The following SNX29 variants were observed in gnomAD, a reference collection of about 807,000 sequenced individuals.
The protein encoded by SNX29 is sorting nexin-29.
A neutral mutation model predicts 102.1 loss-of-function variants in SNX29; 78 were observed. That is an observed-to-expected ratio of 0.76 (90% CI 0.64 to 0.92). The LOEUF is 0.92. Ranked by LOEUF, SNX29 falls within the 40% of genes least tolerant of loss-of-function variation. The pLI is 0.00. For missense variants in SNX29, 1,280 were observed against 1,061.7 expected, an observed-to-expected ratio of 1.21 and a Z score of -2.86; for synonymous variants, 580 against 414.5, an observed-to-expected ratio of 1.40 and a Z score of -4.85.
rs1017099981 is a variant in SNX29 at position 12,572,609 on chromosome 16, C to G, written c.*3980C>G. 3 of 1,063,992 alleles carry G rather than the reference C, an allele frequency of 2.8e-6. No individual in the cohort carries two copies. In the African/African-American group the frequency reaches 4.9e-5, roughly 17 times the overall value. 65.9% of individuals were successfully genotyped at this position (1,063,992 alleles called of 1,614,324 possible). On this transcript the variant is annotated 3_prime_UTR_variant, in exon 21 of 21. Transcript: ENST00000566228. ...GGGCTCCCAGTGAGCCCCCTCCCCT[C>G]CGGCTACCCCCAGAATCCATCCTTC...
intron 20 of SNX29, among the ~76,000 whole-genome samples, chr16:12,540,691 G>C (rs1239711031): frequency 6.6e-6 from 1 of 152,114 alleles, no homozygotes; most frequent in Non-Finnish European, 1.5e-5. Flanking sequence ...TCTTGTTGTA[G>C]AAGCTCACAT....
Position 12,414,517 on chromosome 16 carries a change from A to G in SNX29, c.2037+10988A>G, listed in dbSNP as rs147402878. The stretch of plus-strand genomic sequence containing the variant: ...CCACGGTTACAGAAACAAAAACATG[A>G]AGAAGAGGAACTTGCTAAGCTACTG... On this transcript the variant is annotated intron_variant, in intron 18 of 20. Coordinates refer to ENST00000566228, the MANE Select transcript of SNX29 (RefSeq NM_032167.5). Among the ~76,000 whole-genome samples the G allele has an allele frequency of 1.3e-3, 195 of 152,238 alleles. 1 individual carries two copies. Among genetic ancestry groups the G allele is most frequent in the South Asian group, 3.5e-3 (17 of 4,824 alleles).
At chr16:12,352,206 G>T (rs1326610115) in intron 15 of SNX29, among the ~76,000 whole-genome samples, 2 of 152,216 alleles carry the variant, frequency 1.3e-5, no homozygotes, top group Non-Finnish European at 2.9e-5. Context: ...ATGAGTTCAT[G>T]TCCTTTGTAC....
At chr16:12,419,747 C>A (rs903019782) in intron 18 of SNX29, among the ~76,000 whole-genome samples, 1 of 152,178 alleles carries the variant, frequency 6.6e-6, no homozygotes, top group Non-Finnish European at 1.5e-5. Flanking sequence ...AAGTGACTGT[C>A]TTTGACTCTC....
chr16:12,398,628 C>A (rs963961889), intron 17 of SNX29, 127 bp downstream of exon 17: 10 of 1,059,424 alleles, frequency 9.4e-6, no homozygotes, highest in Non-Finnish European at 1.4e-5. Context: ...TGATGTGGTT[C>A]TTGTAGAGCT....
chr16:12,266,203 G>A (rs2078923185), intron 14 of SNX29, among the ~76,000 whole-genome samples: 1 of 152,002 alleles, frequency 6.6e-6, no homozygotes, highest in South Asian at 2.1e-4. Flanking sequence ...GGGGTTGCAG[G>A]TGTGAGCTGC....
At chr16:12,028,315 G>A (rs2057248209) in intron 4 of SNX29, among the ~76,000 whole-genome samples, 1 of 152,080 alleles carries the variant, frequency 6.6e-6, no homozygotes, top group African/African-American at 2.4e-5. Flanking sequence ...TCATGTTGCT[G>A]TATCATCCTT....
At chr16:12,138,365 G>T (rs1191523950) in intron 13 of SNX29, among the ~76,000 whole-genome samples, 1 of 151,916 alleles carries the variant, frequency 6.6e-6, no homozygotes, top group African/African-American at 2.4e-5. Flanking sequence ...GTGCCACCAT[G>T]CCCAGCTCAT....
intron 18 of SNX29, among the ~76,000 whole-genome samples, chr16:12,438,907 C>T (rs1567563463): frequency 6.6e-6 from 1 of 152,042 alleles, no homozygotes; most frequent in Non-Finnish European, 1.5e-5. Flanking sequence ...TACCTGGCTG[C>T]AGAGAGGGAA....
chr16:12,506,176 G>T (rs2151906357), intron 19 of SNX29, among the ~76,000 whole-genome samples: 1 of 152,302 alleles, frequency 6.6e-6, no homozygotes, highest in South Asian at 2.1e-4. Context: ...GACCAGGCTG[G>T]TCTTGAACTC....
At chr16:12,552,457 G>A (rs558814019) in intron 20 of SNX29, among the ~76,000 whole-genome samples, 1 of 152,274 alleles carries the variant, frequency 6.6e-6, no homozygotes, top group South Asian at 2.1e-4. Flanking sequence ...AATACCTCGG[G>A]TCCATCTCAT....
chr16:12,561,462 C>T (rs1320301792), intron 20 of SNX29, among the ~76,000 whole-genome samples: 2 of 152,252 alleles, frequency 1.3e-5, no homozygotes, highest in East Asian at 1.9e-4. Flanking sequence ...AAGGCAGCTC[C>T]TAGTAAGTGG....
At chr16:12,281,957 G>C (rs973851692) in intron 15 of SNX29, among the ~76,000 whole-genome samples, 2 of 151,802 alleles carry the variant, frequency 1.3e-5, no homozygotes, top group African/African-American at 2.4e-5. Flanking sequence ...GGTGGCATAT[G>C]TCTATAGTCC....
intron 18 of SNX29, among the ~76,000 whole-genome samples, chr16:12,445,805 A>G (rs1188371437): frequency 6.6e-6 from 1 of 152,108 alleles, no homozygotes; most frequent in Admixed American, 6.5e-5. Flanking sequence ...ACAGATATTA[A>G]CCAATTCAAG....
intron 1 of SNX29, among the ~76,000 whole-genome samples, chr16:11,988,255 C>G (rs979483316): frequency 2.7e-5 from 4 of 147,676 alleles, no homozygotes; most frequent in African/African-American, 1.0e-4. Flanking sequence ...GATCATGCCA[C>G]TGCACTCCAG....
chr16:12,176,142 C>T (rs2076255151), intron 13 of SNX29, among the ~76,000 whole-genome samples: 1 of 152,216 alleles, frequency 6.6e-6, no homozygotes, highest in Non-Finnish European at 1.5e-5. Context: ...AAGAAACCAA[C>T]TCTGCCAACA....
chr16:12,232,289 G>A (rs1217116719), intron 14 of SNX29, among the ~76,000 whole-genome samples: 1 of 152,232 alleles, frequency 6.6e-6, no homozygotes. Context: ...AACTTTGGGA[G>A]GCCGAGGTGG....
Position 12,223,307 on chromosome 16 carries a change from C to T in SNX29, c.1678+23624C>T, listed in dbSNP as rs146632754. ...TTGGGAGGCCGAGGCTGGAGGATTA[C>T]CTGAGGCCAGGAGTTTGAGACCATC... On this transcript the variant is annotated intron_variant, in intron 14 of 20. Coordinates refer to ENST00000566228, the MANE Select transcript of SNX29 (RefSeq NM_032167.5). 2.6e-5 allele frequency among the ~76,000 whole-genome samples: 4 copies of T among 152,280 alleles called. No individual in the cohort carries two copies. The East Asian group carries it at 7.7e-4, about 29-fold the overall frequency.
chr16:11,983,857 C>T (rs564654614), intron 1 of SNX29: 14 of 287,218 alleles, frequency 4.9e-5, no homozygotes, highest in African/African-American at 2.7e-4. Context: ...ATACATAGGC[C>T]GTATATTTGC....
Sources: gnomAD v4.1 joint callset for allele counts (sites outside exome capture counted in the v4.1 genomes callset) on GRCh38, gnomAD v4.1.1 for gene constraint, MANE v1.5 for transcripts, NCBI Gene and HGNC (gene_info 2026-07-23, HGNC 2026-07-21) for gene names.